The following USP54 variants were observed in gnomAD, a reference collection of about 807,000 sequenced individuals.
USP54 encodes the protein ubiquitin specific peptidase 54.
In USP54, 87 loss-of-function variants were observed where a neutral mutation model predicts 170.5. The observed-to-expected ratio is 0.51, with a 90% CI of 0.43 to 0.61. The LOEUF is 0.61. USP54 is among the 20% of genes least tolerant of loss of function. The probability of loss-of-function intolerance (pLI) is 0.00; values close to 1 mark genes in which losing one functional copy is unlikely to be tolerated. For missense variants in USP54, 1,786 were observed against 2,047.8 expected (o/e 0.87, Z 2.47); for synonymous variants, 655 against 742.8 (o/e 0.88, Z 1.92).
chr10:73,597,591 C>A (rs2132250038), intron 1 of USP54, among the ~76,000 whole-genome samples: 1 of 152,258 alleles, frequency 6.6e-6, no homozygotes, highest in Middle Eastern at 3.4e-3. Context: ...CTCTAACCAC[C>A]AAAGTAGCCT....
rs568660714 is a variant in USP54 at position 73,528,638 on chromosome 10, C to T, written c.2060+1042G>A. Reference sequence around the variant, plus strand: ...GGCTGGAGTTGCCATGGCACGAGCTCGGCTCATTACCACCTCCACCTCCTG... The same window carrying T: ...GGCTGGAGTTGCCATGGCACGAGCTTGGCTCATTACCACCTCCACCTCCTG... On this transcript the variant is annotated intron_variant, in intron 15 of 23. Transcript: ENST00000687698. Among the ~76,000 whole-genome samples the T allele has an allele frequency of 1.6e-3, 236 of 150,314 alleles. 1 individual carries two copies. Among genetic ancestry groups the T allele is most frequent in the African/African-American group, 5.6e-3 (228 of 40,798 alleles).
chr10:73,543,275 T>C (rs1420229119), intron 5 of USP54, 144 bp from the exon 6 acceptor site: 5 of 620,242 alleles, frequency 8.1e-6, no homozygotes, highest in South Asian at 2.2e-5. Context: ...TTTAAAAAAA[T>C]TATAAATTCA....
rs369192193 is a variant in USP54 at position 73,527,039 on chromosome 10, G to C, written c.2061-259C>G. On this transcript the variant is annotated intron_variant, in intron 15 of 23. Coordinates refer to ENST00000687698, the MANE Select transcript of USP54 (RefSeq NM_001391956.1). ...GTTGAATGTACTAATGAACATATTG[G>C]TTTCATATTTATTTCCTTCTTTCTT... 2.6e-5 allele frequency among the ~76,000 whole-genome samples: 4 copies of C among 152,154 alleles called. No individual in the cohort carries two copies. In the East Asian group the frequency reaches 5.8e-4, roughly 22 times the overall value.
chr10:73,533,049 G>A (rs182093848), intron 12 of USP54, among the ~76,000 whole-genome samples: 47 of 152,334 alleles, frequency 3.1e-4, no homozygotes, highest in Admixed American at 2.9e-3. Context: ...GCTCACGCCT[G>A]TAATCCCAGC....
intron 4 of USP54, among the ~76,000 whole-genome samples, chr10:73,550,889 G>A (rs1238453768): frequency 6.6e-6 from 1 of 152,106 alleles, no homozygotes; most frequent in Non-Finnish European, 1.5e-5. Context: ...GGCGGATCAC[G>A]AGGTCAGGAG....
intron 20 of USP54, chr10:73,507,109 A>G (rs2059269052): frequency 2.0e-5 from 3 of 152,008 alleles, no homozygotes; most frequent in Admixed American, 2.0e-4. Context: ...GTTGCATTAA[A>G]AGGAAAAAAA....
At chr10:73,579,481 G>A (rs1371596491) in intron 1 of USP54, among the ~76,000 whole-genome samples, 6 of 152,072 alleles carry the variant, frequency 3.9e-5, no homozygotes, top group African/African-American at 1.4e-4. Flanking sequence ...TTGGCCAGGC[G>A]CAGTGGCTCA....
chr10:73,514,110 C>T (rs1213998618), intron 20 of USP54, among the ~76,000 whole-genome samples: 2 of 152,118 alleles, frequency 1.3e-5, no homozygotes, highest in Non-Finnish European at 2.9e-5. Context: ...GGCCACCGTG[C>T]CCAGCTAATT....
chr10:73,502,659 C>T (rs901788908), intron 22 of USP54, among the ~76,000 whole-genome samples: 13 of 152,196 alleles, frequency 8.5e-5, no homozygotes, highest in Admixed American at 8.5e-4. Flanking sequence ...TATGGTACCA[C>T]ACATCCTTGG....
intron 5 of USP54, 120 bp downstream of exon 5, chr10:73,545,418 C>T (rs1030020708): frequency 5.3e-6 from 7 of 1,308,898 alleles, no homozygotes; most frequent in East Asian, 2.4e-5. Context: ...TCAGAGAAAA[C>T]TCCTAGTTCT....
intron 3 of USP54, among the ~76,000 whole-genome samples, chr10:73,575,237 G>A (rs1043623115): frequency 1.3e-5 from 2 of 152,040 alleles, no homozygotes; most frequent in Non-Finnish European, 2.9e-5. Context: ...AGATCACCTG[G>A]TCCATTTACC....
chr10:73,541,997 AAAG>A (rs1438311040), intron 7 of USP54: 7 of 467,154 alleles, frequency 1.5e-5, no homozygotes, highest in Admixed American at 1.1e-4. Context: ...ATGGGAGAGG[AAAG>A]AAGGAGAACA....
intron 1 of USP54, among the ~76,000 whole-genome samples, chr10:73,622,679 G>A (rs894364411): frequency 6.6e-6 from 1 of 152,026 alleles, no homozygotes; most frequent in Non-Finnish European, 1.5e-5. Context: ...TAGGACCAGC[G>A]AGGTGGCTCA....
chr10:73,570,707 G>A (rs1288383578), intron 4 of USP54, among the ~76,000 whole-genome samples: 1 of 151,944 alleles, frequency 6.6e-6, no homozygotes, highest in Non-Finnish European at 1.5e-5. Context: ...CACCTCACCC[G>A]TTGTACTGGC....
chr10:73,510,405 A>G (rs2060012908), intron 20 of USP54, among the ~76,000 whole-genome samples: 1 of 151,892 alleles, frequency 6.6e-6, no homozygotes, highest in Non-Finnish European at 1.5e-5. Context: ...GATAATCACT[A>G]TGGAAGCTGG....
intron 20 of USP54, chr10:73,516,059 G>A (rs1410563345): frequency 4.6e-6 from 1 of 217,090 alleles, no homozygotes; most frequent in Admixed American, 5.2e-5. Flanking sequence ...TGGGATTACA[G>A]GAGTGAGCCA....
At chr10:73,625,249 C>G (rs2081432961) in intron 1 of USP54, among the ~76,000 whole-genome samples, 1 of 140,010 alleles carries the variant, frequency 7.1e-6, no homozygotes, top group Non-Finnish European at 1.5e-5. Context: ...TTTAGAGTAG[C>G]AATCATTCAT....
chr10:73,611,012 A>C (rs1327167644), intron 1 of USP54, among the ~76,000 whole-genome samples: 1 of 152,212 alleles, frequency 6.6e-6, no homozygotes, highest in Non-Finnish European at 1.5e-5. Flanking sequence ...ATCTATAGAG[A>C]ATATTTATAC....
At chr10:73,503,898 A>G (rs1031117420) in intron 22 of USP54, among the ~76,000 whole-genome samples, 1 of 151,990 alleles carries the variant, frequency 6.6e-6, no homozygotes, top group African/African-American at 2.4e-5. Flanking sequence ...ATGCCTGGCT[A>G]ATTTTTATAT....
Sources: allele counts gnomAD v4.1 joint callset (sites outside exome capture counted in the v4.1 genomes callset), GRCh38; gene constraint gnomAD v4.1.1; transcripts MANE v1.5; gene names NCBI Gene and HGNC (gene_info 2026-07-23, HGNC 2026-07-21).